Variants in PFKFB3 observed in about 807,000 individuals in gnomAD.
PFKFB3 encodes the protein 6-phosphofructo-2-kinase/fructose-2,6-bisphosphatase 3.
A neutral mutation model predicts 68.0 loss-of-function variants in PFKFB3; 33 were observed. The ratio of observed to expected loss-of-function variants is 0.49; its 90% confidence interval spans 0.37 to 0.65. The LOEUF is 0.65. Ranked by LOEUF, PFKFB3 falls within the 30% of genes least tolerant of loss-of-function variation. The pLI is 0.00. For missense variants in PFKFB3, 586 were observed against 712.2 expected (o/e 0.82, Z 2.02); for synonymous variants, 315 against 288.2 (o/e 1.09, Z -0.94).
Position 6,215,160 on chromosome 10 carries a change from G to C in PFKFB3, c.203-61G>C, listed in dbSNP as rs1033370538. ...TTCCTTTGGTCGATCCTATGGTCCC[G>C]GTGTGAGCTGGCCCCTTCCTCCTGC... On this transcript the variant is annotated intron_variant, in intron 2 of 14. Transcript: ENST00000379775. This position sits in a 1 kb window ranked among gnomAD's most constrained non-coding sequence, Gnocchi z 4.3. 2.9e-6 allele frequency: 4 copies of C among 1,396,326 alleles called. No homozygotes were observed. In the African/African-American group the frequency reaches 4.2e-5, roughly 15 times the overall value. The allele number at this position is 1,396,326 out of a possible 1,614,324, so 86.5% of individuals were successfully genotyped here.
At chr10:6,260,647 T>A in the PFKFB3 span, among the ~76,000 whole-genome samples, 6 of 152,332 alleles carry the variant, frequency 3.9e-5, no homozygotes, top group African/African-American at 1.4e-4. Context: ...TAAATCACAT[T>A]GTATGTATCT....
chr10:6,177,476 C>G (rs142925886), intron 1 of PFKFB3, among the ~76,000 whole-genome samples: 1 of 118,898 alleles, frequency 8.4e-6, no homozygotes, highest in Non-Finnish European at 1.8e-5. Flanking sequence ...TTCTTTCTTT[C>G]TTTCTTTCTT....
chr10:6,167,945 C>T (rs562151132), intron 1 of PFKFB3, among the ~76,000 whole-genome samples: 1 of 141,034 alleles, frequency 7.1e-6, no homozygotes, highest in Admixed American at 6.9e-5. Flanking sequence ...TGCTAAGTCC[C>T]TAGGTCGTTC....
chr10:6,186,032 A>G (rs1053309258), intron 1 of PFKFB3, among the ~76,000 whole-genome samples: 2 of 152,096 alleles, frequency 1.3e-5, no homozygotes, highest in South Asian at 4.2e-4. Context: ...GCCCAGTAGA[A>G]CTACTGGTGA....
At chr10:6,309,786 G>A in the PFKFB3 span, among the ~76,000 whole-genome samples, 1 of 152,104 alleles carries the variant, frequency 6.6e-6, no homozygotes, top group East Asian at 1.9e-4. Flanking sequence ...AAAGAGCCAC[G>A]TTTGTCATGA....
chr10:6,207,100 A>G (rs1005591358), intron 1 of PFKFB3, among the ~76,000 whole-genome samples: 1 of 152,110 alleles, frequency 6.6e-6, no homozygotes, highest in African/African-American at 2.4e-5. Flanking sequence ...TGGGAGGTGG[A>G]AGTTGTAGCG....
intron 1 of PFKFB3, chr10:6,145,096 C>A: frequency 8.9e-7 from 1 of 1,123,918 alleles, no homozygotes; most frequent in Admixed American, 4.3e-5. Flanking sequence ...AGCCTTGGGT[C>A]CTCGCCAGGC....
Position 6,190,356 on chromosome 10 carries a change from T to G in PFKFB3, c.17-23267T>G, listed in dbSNP as rs79673088. Among the ~76,000 whole-genome samples the G allele has an allele frequency of 8.9e-4, 136 of 152,358 alleles. No homozygotes were observed. In the East Asian group the frequency reaches 0.023, roughly 26 times the overall value. On this transcript the variant is annotated intron_variant, in intron 1 of 14. Transcript: ENST00000379789. ...CCTACAGATTCCGTCGTTCCTTCTGTACTTATTTGTTGATATTCTACTCTA... is the reference window on the plus strand; with the variant it reads ...CCTACAGATTCCGTCGTTCCTTCTGGACTTATTTGTTGATATTCTACTCTA...
rs1267416831 is a variant in PFKFB3, at chr10:6,226,428, TG to T, written c.1515+66del. 4 of 1,489,194 alleles carry T rather than the reference TG, an allele frequency of 2.7e-6. No individual in the cohort carries two copies. The Admixed American group carries it at 8.0e-5, about 30-fold the overall frequency. 92.2% of individuals were successfully genotyped at this position (1,489,194 alleles called of 1,614,324 possible). The stretch of plus-strand genomic sequence containing the variant: ...CATGCCGGGCGTGATGCCACAGATC[TG>T]GGATTGCGTGCGTGTGTGTTTGCAA... On this transcript the variant is annotated intron_variant, in intron 14 of 14. Coordinates refer to ENST00000379775, the MANE Select transcript of PFKFB3 (RefSeq NM_004566.4).
chr10:6,303,359 G>A, the PFKFB3 span, among the ~76,000 whole-genome samples: 9 of 152,250 alleles, frequency 5.9e-5, no homozygotes, highest in Non-Finnish European at 1.0e-4. Context: ...AGCACATGGT[G>A]CAATGTAGCA....
downstream of PFKFB3, among the ~76,000 whole-genome samples, chr10:6,238,904 C>G (rs563976600): frequency 6.6e-6 from 1 of 152,286 alleles, no homozygotes; most frequent in East Asian, 1.9e-4. Context: ...GGATCTCATT[C>G]CTTTTCATGG....
At position 6,146,432 on chromosome 10, in the gene PFKFB3, A is replaced by G. The variant is rs946204701; in HGVS notation, c.16+1419A>G. 1.9e-5 allele frequency: 29 copies of G among 1,535,016 alleles called. No homozygotes were observed. In the African/African-American group the frequency reaches 4.0e-4, roughly 21 times the overall value. ...ACAGCCAGCAAGCAGGGGCTCTGCC[A>G]CTCCTCTGTCAGCTGGACACGTTTA... On this transcript the variant is annotated intron_variant, in intron 1 of 14. Coordinates refer to the PFKFB3 transcript ENST00000379789.
intron 1 of PFKFB3, among the ~76,000 whole-genome samples, chr10:6,177,389 T>TTTCTTTCTTTCTTTTC (rs1554842896): frequency 1.6e-5 from 2 of 122,970 alleles, no homozygotes; most frequent in Non-Finnish European, 3.6e-5. Flanking sequence ...TCTTTCTTTC[T>TTTCTTTCTTTCTTTTC]TTCTTTCTTT....
intron 1 of PFKFB3, among the ~76,000 whole-genome samples, chr10:6,159,035 G>A (rs1019962757): frequency 1.3e-5 from 2 of 152,004 alleles, no homozygotes; most frequent in Non-Finnish European, 2.9e-5. Flanking sequence ...TTCACACAAG[G>A]CAATATTATA....
intron 1 of PFKFB3, among the ~76,000 whole-genome samples, chr10:6,204,075 C>A (rs619797): frequency 6.6e-6 from 1 of 152,096 alleles, no homozygotes; most frequent in African/African-American, 2.4e-5. Context: ...GCGCACGCAC[C>A]CCCCGGTGCT....
chr10:6,222,982 C>T lies in PFKFB3; in HGVS notation c.1211C>T (p.Ala404Val), dbSNP rs1564636531. 6.2e-7 allele frequency: 1 copy of T among 1,612,490 alleles called. No homozygotes were observed. The highest frequency in any genetic ancestry group is 8.5e-7 in the Non-Finnish European group (1 of 1,179,124). The change falls in exon 11 of 15, where the codon GCA becomes GTA. Residue 404 changes from alanine (A) to valine (V), a missense_variant and splice_region_variant. Ala to Val is a moderately conservative substitution (Grantham distance 64, BLOSUM62 0). Coordinates refer to ENST00000379775, the MANE Select transcript of PFKFB3 (RefSeq NM_004566.4). ...CLLAYFLDKS[A>V]EEMPYLKCPL... is the part of the protein sequence containing the mutation. ...CTTGCCTACTTCCTGGATAAGAGTG[C>T]AGGTACCTCGGGCAGGTCGTGGCCC... is the stretch of plus-strand genomic sequence containing the variant.
intron 1 of PFKFB3, among the ~76,000 whole-genome samples, chr10:6,147,620 C>G (rs971768539): frequency 2.0e-5 from 3 of 152,246 alleles, no homozygotes; most frequent in African/African-American, 7.2e-5. Context: ...CTAGGGACAG[C>G]CTGACAGGGA....
At chr10:6,249,202 A>C (rs1846324971) in intron 14 of PFKFB3, among the ~76,000 whole-genome samples, 1 of 147,048 alleles carries the variant, frequency 6.8e-6, no homozygotes, top group African/African-American at 2.5e-5. Context: ...AAAAAAAAAA[A>C]AGAAAAGAAA....
At chr10:6,266,887 C>T in the PFKFB3 span, among the ~76,000 whole-genome samples, 2 of 152,224 alleles carry the variant, frequency 1.3e-5, no homozygotes, top group Non-Finnish European at 2.9e-5. Flanking sequence ...GGCCTTGCCT[C>T]CATTATGCTC....
Sources: gnomAD v4.1 joint callset for allele counts (sites outside exome capture counted in the v4.1 genomes callset) on GRCh38, gnomAD v4.1.1 for gene constraint, Gnocchi (gnomAD v3.1) non-coding constraint, MANE v1.5 for transcripts, NCBI Gene and HGNC (gene_info 2026-07-23, HGNC 2026-07-21) for gene names.